The following FTSJ3 variants were observed in gnomAD, a reference collection of about 807,000 sequenced individuals.
The protein encoded by FTSJ3 is pre-rRNA 2'-O-ribose RNA methyltransferase FTSJ3.
In FTSJ3, 46 loss-of-function variants were observed where a neutral mutation model predicts 111.5. The ratio of observed to expected loss-of-function variants is 0.41; its 90% CI spans 0.33 to 0.53. The LOEUF is 0.53. Ranked by LOEUF, FTSJ3 falls within the 20% of genes least tolerant of loss-of-function variation. The pLI is 0.19. For missense variants in FTSJ3, 1,075 were observed against 1,063.8 expected, an observed-to-expected ratio of 1.01 and a Z score of -0.15; for synonymous variants, 408 against 383.0, an observed-to-expected ratio of 1.07 and a Z score of -0.76.
intron 5 of FTSJ3, 196 bp from the exon 6 acceptor site, chr17:63,825,831 A>G: frequency 1.6e-6 from 1 of 629,760 alleles, no homozygotes; most frequent in Non-Finnish European, 2.8e-6. Context: ...TCACAGGAGA[A>G]GACTTCACTA....
Position 63,820,391 on chromosome 17 carries a change from T to C in FTSJ3, c.2120A>G (p.Gln707Arg), listed in dbSNP as rs1277743994. 6.2e-7 allele frequency: 1 copy of C among 1,614,022 alleles called. No individual in the cohort carries two copies. Among genetic ancestry groups the C allele is most frequent in the Non-Finnish European group, 8.5e-7 (1 of 1,180,034 alleles). The change falls in exon 19 of 21, where the codon CAA (glutamine) becomes CGA (arginine). Residue 707 changes from glutamine (Q) to arginine (R), a missense_variant. Gln to Arg is a conservative substitution (Grantham distance 43). This residue lies in a region of FTSJ3 where 867 missense variants were observed against 796.9 expected (regional missense o/e 1.09). Transcript: ENST00000427159. Reference sequence around the variant, plus strand: ...TCGTATCCGGTGCTGCTTTTCCTCTTGCACAAACCACTCCGGAAGCTCCCC... The same window carrying C: ...TCGTATCCGGTGCTGCTTTTCCTCTCGCACAAACCACTCCGGAAGCTCCCC... Reference protein sequence around the residue: ...DEGELPEWFVQEEKQHRIRQL... With the variant: ...DEGELPEWFVREEKQHRIRQL...
At chr17:63,822,830 CATAT>C (rs1567752468) in intron 13 of FTSJ3, among the ~76,000 whole-genome samples, 2 of 152,034 alleles carry the variant, frequency 1.3e-5, no homozygotes, top group Non-Finnish European at 2.9e-5. Flanking sequence ...GTGTTTATCA[CATAT>C]GAGGGATTAC....
Position 63,819,949 on chromosome 17 carries a change from G to GGTGA in FTSJ3, c.2393_2396dup (p.Tyr800HisfsTer40). 6.2e-7 allele frequency: 1 copy of GGTGA among 1,614,188 alleles called. No individual in the cohort carries two copies. The highest frequency in any genetic ancestry group is 8.5e-7 in the Non-Finnish European group (1 of 1,180,022). ...CCACACCTTTTTTGGCTACAACGTA[G>GGTGA]GTGACATGGCGTTTCTCCTTGCCAA... On this transcript the variant is annotated frameshift_variant, in exon 21 of 21. Coordinates refer to ENST00000427159, the MANE Select transcript of FTSJ3 (RefSeq NM_017647.4). LOFTEE classifies it high-confidence loss of function.
rs1350464620 is a variant in FTSJ3 at position 63,824,885 on chromosome 17, G to A, written c.756C>T (p.Thr252=). Residue 252 remains threonine, a synonymous_variant, in exon 9 of 21, where the codon ACC becomes ACT. Transcript: ENST00000427159. ...AEGDLTLYHR[T]SVTDFLRAAN... ...CAGCTCGGAGGAAGTCAGTGACTGA[G>A]GTACGGTGATAGAGAGTGAGGTCAC... The A allele has an allele frequency of 6.3e-7, 1 of 1,597,940 alleles. No individual in the cohort carries two copies. The highest frequency in any genetic ancestry group is 1.7e-5 in the Admixed American group (1 of 59,280).
Position 63,820,557 on chromosome 17 carries a change from G to C in FTSJ3, c.2073-119C>G. Reference sequence around the variant, plus strand: ...GCACTTTGGGAGGCTGAGGTGGGCAGATCACCTGAGGTCAGGAGTTTGACC... The same window carrying C: ...GCACTTTGGGAGGCTGAGGTGGGCACATCACCTGAGGTCAGGAGTTTGACC... On this transcript the variant is annotated intron_variant, in intron 18 of 20. Transcript: ENST00000427159. The C allele has an allele frequency of 4.1e-6, 4 of 978,226 alleles. No homozygotes were observed. The South Asian group carries it at 4.6e-5, about 11-fold the overall frequency. 60.6% of individuals were successfully genotyped at this position (978,226 alleles called of 1,614,324 possible). A position where few individuals can be genotyped will look rare whatever the true frequency, so the allele number is the denominator to read the frequency against.
In FTSJ3 at chr17:63,826,224, C is replaced by A. The variant is rs778758433; in HGVS notation, c.220+34G>T. 7.4e-6 allele frequency: 12 copies of A among 1,613,152 alleles called. No homozygotes were observed. The South Asian group carries it at 1.2e-4, about 16-fold the overall frequency. Reference sequence around the variant, plus strand: ...GACAAAATACCTTATACACCCACCCCTTAAAACACCAAGGAGAGCTGTCCG... The same window carrying A: ...GACAAAATACCTTATACACCCACCCATTAAAACACCAAGGAGAGCTGTCCG... On this transcript the variant is annotated intron_variant, in intron 4 of 20. Transcript: ENST00000427159.
intron 16 of FTSJ3, 105 bp from the exon 17 acceptor site, chr17:63,821,220 C>G: frequency 6.6e-7 from 1 of 1,512,194 alleles, no homozygotes; most frequent in Non-Finnish European, 9.2e-7. Flanking sequence ...TACCCCAGAC[C>G]AGTTAAATCA....
chr17:63,824,902 T>C lies in FTSJ3; in HGVS notation c.739A>G (p.Thr247Ala), dbSNP rs755959447. The change falls in exon 9 of 21, where the codon ACT becomes GCT. Residue 247 changes from threonine (T) to alanine (A), a missense_variant. Physicochemically the swap from Thr to Ala is moderately conservative, Grantham distance 58. Coordinates refer to ENST00000427159, the MANE Select transcript of FTSJ3 (RefSeq NM_017647.4). ...KAEGYAEGDL[T>A]LYHRTSVTDF... ...GTGACTGAGGTACGGTGATAGAGAG[T>C]GAGGTCACCCTCAGCATAGCCTTCA... 1.9e-6 allele frequency: 3 copies of C among 1,589,844 alleles called. No homozygotes were observed. Among genetic ancestry groups the C allele is most frequent in the Non-Finnish European group, 2.6e-6 (3 of 1,167,250 alleles).
In FTSJ3 at chr17:63,824,389, T is replaced by C. The variant is rs1354124034; in HGVS notation, c.940A>G (p.Lys314Glu). The C allele has an allele frequency of 1.9e-6, 3 of 1,614,166 alleles. No homozygotes were observed. The Admixed American group carries it at 5.0e-5, about 27-fold the overall frequency. Residue 314 changes from lysine to glutamate, a missense_variant, in exon 11 of 21, where the codon AAA (lysine) becomes GAA (glutamate). Physicochemically the swap from Lys to Glu is moderately conservative, Grantham distance 56 (BLOSUM62 1). Coordinates refer to ENST00000427159, the MANE Select transcript of FTSJ3 (RefSeq NM_017647.4). ...TTCTTGGCCACATATCGCCGAAGTT[T>C]TGTTCTCCAGTTTAGTAGCGACCTG... Reference protein sequence around the residue: ...ELRSLLNWRTKLRRYVAKKLK... With the variant: ...ELRSLLNWRTELRRYVAKKLK...
In FTSJ3 at chr17:63,827,590, G is replaced by T; in HGVS notation, c.-565C>A. On this transcript the variant is annotated 5_prime_UTR_variant, in exon 1 of 21. Coordinates refer to ENST00000427159, the MANE Select transcript of FTSJ3 (RefSeq NM_017647.4). ...CGAGCGTGATCTGAGTGGAGAGCGG[G>T]CCGGGGCAGGAGCGTCGGGTGGGTC... 1 of 1,550,934 alleles carries T rather than the reference G, an allele frequency of 6.4e-7. No individual in the cohort carries two copies. Among genetic ancestry groups the T allele is most frequent in the Non-Finnish European group, 8.7e-7 (1 of 1,146,764 alleles).
chr17:63,822,300 T>C, intron 13 of FTSJ3, 132 bp from the exon 14 acceptor site: 2 of 748,220 alleles, frequency 2.7e-6, no homozygotes, highest in Non-Finnish European at 2.1e-6. Context: ...CTTTCACAGA[T>C]GGGAAAGCTC....
chr17:63,821,713 C>T lies in FTSJ3; in HGVS notation c.1596+10G>A, dbSNP rs772356594. 1.9e-6 allele frequency: 3 copies of T among 1,614,212 alleles called. No individual in the cohort carries two copies. The South Asian group carries it at 3.3e-5, about 18-fold the overall frequency. ...ATCTCCCCGCAGTCTTGCCCCCGGCCTCTCCTTACCTTTGAGAACCACAGG... is the reference window on the plus strand; with the variant it reads ...ATCTCCCCGCAGTCTTGCCCCCGGCTTCTCCTTACCTTTGAGAACCACAGG... On this transcript the variant is annotated intron_variant, in intron 15 of 20. Coordinates refer to ENST00000427159, the MANE Select transcript of FTSJ3 (RefSeq NM_017647.4).
In FTSJ3 at chr17:63,825,517, A is replaced by G; in HGVS notation, c.400+19T>C. 6.2e-7 allele frequency: 1 copy of G among 1,613,348 alleles called. No individual in the cohort carries two copies. Among genetic ancestry groups the G allele is most frequent in the Non-Finnish European group, 8.5e-7 (1 of 1,179,276 alleles). ...CACCTCCACCATCACCTGATCTCCA[A>G]GCACCACACTCCCTGTACCTTGTGA... On this transcript the variant is annotated intron_variant, in intron 6 of 20. Coordinates refer to ENST00000427159, the MANE Select transcript of FTSJ3 (RefSeq NM_017647.4).
rs2040085570 is a variant in FTSJ3 at position 63,825,095 on chromosome 17, C to T, written c.664G>A (p.Val222Ile). 2 of 1,614,088 alleles carry T rather than the reference C, an allele frequency of 1.2e-6. No homozygotes were observed. The highest frequency in any genetic ancestry group is 1.3e-5 in the African/African-American group (1 of 74,908). ...AATTCAGTAACGGTCTTAGCCTGAA[C>T]TTCAACCTCCTTAAAGGCAAATTTG... ...DPKFAFKEVE[V>I]QAKTVTELVT... is the part of the protein sequence containing the mutation. Residue 222 changes from valine (V) to isoleucine (I), a missense_variant, in exon 8 of 21, where the codon GTT (valine) becomes ATT (isoleucine). Coordinates refer to ENST00000427159, the MANE Select transcript of FTSJ3 (RefSeq NM_017647.4).
intron 5 of FTSJ3, 53 bp downstream of exon 5, chr17:63,826,003 G>A: frequency 2.1e-6 from 3 of 1,433,782 alleles, no homozygotes; most frequent in Middle Eastern, 4.2e-4. Context: ...GAGGATTTCA[G>A]GGATGTAGAT....
chr17:63,821,311 C>T (rs775133555), intron 16 of FTSJ3, 43 bp downstream of exon 16: 1 of 1,572,068 alleles, frequency 6.4e-7, no homozygotes, highest in Non-Finnish European at 8.6e-7. Context: ...TGGTTCAAGC[C>T]ACCGCTTCCT....
chr17:63,827,467 G>A lies in FTSJ3; in HGVS notation c.-442C>T, dbSNP rs551848839. 1.9e-6 allele frequency: 3 copies of A among 1,551,714 alleles called. No homozygotes were observed. The highest frequency in any genetic ancestry group is 1.4e-5 in the African/African-American group (1 of 73,184). On this transcript the variant is annotated 5_prime_UTR_variant, in exon 1 of 21. Transcript: ENST00000427159. Reference sequence around the variant, plus strand: ...TGCGCGCCAAGACGGCTCGGATGCCGGCGGTCTCTGCTGAAGAGAGAAGAT... The same window carrying A: ...TGCGCGCCAAGACGGCTCGGATGCCAGCGGTCTCTGCTGAAGAGAGAAGAT...
rs746689894 is a variant in FTSJ3, at chr17:63,819,826, T to C, written c.2520A>G (p.Gln840=). The C allele has an allele frequency of 1.2e-6, 2 of 1,613,538 alleles. No homozygotes were observed. The highest frequency in any genetic ancestry group is 3.3e-5 in the Admixed American group (2 of 59,828). The change falls in exon 21 of 21, where the codon CAA becomes CAG. Residue 840 remains glutamine, a synonymous_variant. Coordinates refer to ENST00000427159, the MANE Select transcript of FTSJ3 (RefSeq NM_017647.4). ...KDQRAQQRKE[Q]KKKHKRK The stretch of plus-strand genomic sequence containing the variant: ...CTTACTTCCGTTTGTGTTTTTTCTT[T>C]TGTTCCTTACGTTGCTGTGCTCTTT...
Position 63,827,579 on chromosome 17 carries a change from G to A in FTSJ3, c.-554C>T. 6.4e-7 allele frequency: 1 copy of A among 1,551,242 alleles called. No individual in the cohort carries two copies. The highest frequency in any genetic ancestry group is 8.7e-7 in the Non-Finnish European group (1 of 1,146,844). ...TGGGTGCGGAGCGAGCGTGATCTGA[G>A]TGGAGAGCGGGCCGGGGCAGGAGCG... On this transcript the variant is annotated 5_prime_UTR_variant, in exon 1 of 21. Transcript: ENST00000427159.
Sources: gnomAD v4.1 joint callset for allele counts (sites outside exome capture counted in the v4.1 genomes callset) on GRCh38, gnomAD v4.1.1 for gene constraint, gnomAD v4.1.1 regional missense constraint, MANE v1.5 for transcripts, NCBI Gene and HGNC (gene_info 2026-07-23, HGNC 2026-07-21) for gene names.